The following LOC400499 variants were observed in gnomAD, a reference collection of about 807,000 sequenced individuals.
At chr16:11,478,174 C>T in the LOC400499 span, among the ~76,000 whole-genome samples, 23 of 150,846 alleles carry the variant, frequency 1.5e-4, no homozygotes, top group African/African-American at 5.4e-4. Flanking sequence ...ACTACAGACG[C>T]CTGCCACCAT....
At chr16:11,407,097 C>T in the LOC400499 span, 28 of 396,250 alleles carry the variant, frequency 7.1e-5, no homozygotes, top group South Asian at 4.2e-4. Flanking sequence ...TCTGTCCTTC[C>T]GCCCAGGAAC....
the LOC400499 span, chr16:11,450,642 G>C: frequency 1.4e-5 from 21 of 1,535,978 alleles, no homozygotes; most frequent in Non-Finnish European, 1.8e-5. Flanking sequence ...TGTAAACCTG[G>C]ATCTTGCCTT....
chr16:11,397,210 C>A, the LOC400499 span, among the ~76,000 whole-genome samples: 1 of 152,200 alleles, frequency 6.6e-6, no homozygotes, highest in African/African-American at 2.4e-5. Context: ...TCTGAATGAA[C>A]AGAGGAAAAG....
the LOC400499 span, among the ~76,000 whole-genome samples, chr16:11,519,739 CTT>C: frequency 6.8e-6 from 1 of 146,894 alleles, no homozygotes; most frequent in South Asian, 2.2e-4. Flanking sequence ...GAGTTTTGCT[CTT>C]GTTTTCCAGG....
the LOC400499 span, among the ~76,000 whole-genome samples, chr16:11,405,317 G>A: frequency 3.9e-5 from 6 of 152,218 alleles, no homozygotes; most frequent in Non-Finnish European, 7.3e-5. Context: ...CAGGTATCAT[G>A]CTCCCAAGCC....
the LOC400499 span, among the ~76,000 whole-genome samples, chr16:11,379,297 A>G: frequency 2.6e-5 from 4 of 152,160 alleles, no homozygotes; most frequent in African/African-American, 7.2e-5. Context: ...TCGTAGACCT[A>G]TCTGTTTCTC....
At chr16:11,485,181 C>T in the LOC400499 span, 2 of 397,692 alleles carry the variant, frequency 5.0e-6, no homozygotes, top group South Asian at 1.4e-4. Context: ...TTGAGCACGG[C>T]ACTCCAGGCT....
the LOC400499 span, among the ~76,000 whole-genome samples, chr16:11,408,741 G>C: frequency 6.6e-6 from 1 of 152,134 alleles, no homozygotes; most frequent in Non-Finnish European, 1.5e-5. Context: ...GTGATTATGA[G>C]TGTGAACCAC....
At chr16:11,410,921 C>T in the LOC400499 span, among the ~76,000 whole-genome samples, 2 of 152,240 alleles carry the variant, frequency 1.3e-5, no homozygotes, top group African/African-American at 4.8e-5. Context: ...CTCCAAAGGG[C>T]TGTGTCATCT....
chr16:11,508,786 G>A, the LOC400499 span: 1 of 399,114 alleles, frequency 2.5e-6, no homozygotes, highest in Non-Finnish European at 4.4e-6. Context: ...CATGGCCTGG[G>A]ATGGTGTCTC....
the LOC400499 span, among the ~76,000 whole-genome samples, chr16:11,459,227 C>T: frequency 2.5e-5 from 3 of 118,988 alleles, no homozygotes; most frequent in African/African-American, 6.5e-5. Context: ...AAAGGAGTCT[C>T]GCTGTTTCGC....
chr16:11,475,221 T>G, the LOC400499 span, among the ~76,000 whole-genome samples: 14 of 152,242 alleles, frequency 9.2e-5, no homozygotes, highest in East Asian at 2.3e-3. Flanking sequence ...ATGCGGGGCT[T>G]GTAACCTAGA....
At chr16:11,400,759 G>C in the LOC400499 span, among the ~76,000 whole-genome samples, 426 of 152,212 alleles carry the variant, frequency 2.8e-3, 1 homozygote, top group Non-Finnish European at 3.3e-3. Flanking sequence ...CTACTTTACA[G>C]TGCTTATCAT....
At chr16:11,422,118 C>G in the LOC400499 span, among the ~76,000 whole-genome samples, 2 of 152,198 alleles carry the variant, frequency 1.3e-5, no homozygotes, top group Non-Finnish European at 2.9e-5. Context: ...ACAGCGGGAG[C>G]AGGCTGGGTA....
the LOC400499 span, among the ~76,000 whole-genome samples, chr16:11,418,666 C>A: frequency 6.6e-6 from 1 of 152,320 alleles, no homozygotes; most frequent in African/African-American, 2.4e-5. Flanking sequence ...CGGTCTGGAT[C>A]GAGACCCCAT....
the LOC400499 span, among the ~76,000 whole-genome samples, chr16:11,481,726 G>T: frequency 6.6e-6 from 1 of 152,020 alleles, no homozygotes; most frequent in South Asian, 2.1e-4. Context: ...CCTGCCTCCC[G>T]GTTTTAAGTG....
chr16:11,436,443 A>G, the LOC400499 span, among the ~76,000 whole-genome samples: 1 of 152,108 alleles, frequency 6.6e-6, no homozygotes, highest in Non-Finnish European at 1.5e-5. Flanking sequence ...GTGGGAGCAG[A>G]GAGGTCCAAG....
At chr16:11,454,534 A>C in the LOC400499 span, among the ~76,000 whole-genome samples, 7 of 152,222 alleles carry the variant, frequency 4.6e-5, no homozygotes, top group Admixed American at 3.9e-4. Flanking sequence ...CAGAGATTAG[A>C]GAGGATGCGG....
the LOC400499 span, among the ~76,000 whole-genome samples, chr16:11,492,720 G>C: frequency 1.3e-5 from 2 of 152,010 alleles, no homozygotes; most frequent in South Asian, 2.1e-4. Context: ...AGGAGGCAGA[G>C]CTTGCAGTGA....
Sources: gnomAD v4.1 joint callset for allele counts (sites outside exome capture counted in the v4.1 genomes callset) on GRCh38, gnomAD v4.1.1 for gene constraint, MANE v1.5 for transcripts.